Variants in ECSCR observed in about 807,000 individuals in gnomAD.
The protein encoded by ECSCR is endothelial cell-specific chemotaxis regulator.
In ECSCR, 12 loss-of-function variants were observed where a neutral mutation model predicts 16.7. The ratio of observed to expected loss-of-function variants is 0.72; its 90% CI spans 0.46 to 1.17. ECSCR has a LOEUF of 1.17. Among genes scored for constraint, ECSCR ranks in the 50% most tolerant of loss-of-function variants. The probability of loss-of-function intolerance (pLI) is 0.00; values close to 1 mark genes in which losing one functional copy is unlikely to be tolerated. For synonymous variants in ECSCR, 44 were observed against 42.2 expected, an observed-to-expected ratio of 1.04 and a Z score of -0.17; for missense variants, 122 against 116.1, an observed-to-expected ratio of 1.05 and a Z score of -0.23.
chr5:139,457,454 C>T, intron 4 of ECSCR, 91 bp downstream of exon 4: 1 of 776,346 alleles, frequency 1.3e-6, no homozygotes, highest in Non-Finnish European at 2.4e-6. Context: ...TTCCCGCTCG[C>T]CCCAGTCTAT....
At chr5:139,449,037 G>C in intron 9 of ECSCR, 41 bp downstream of exon 9, 3 of 1,532,282 alleles carry the variant, frequency 2.0e-6, no homozygotes, top group Non-Finnish European at 2.6e-6. Flanking sequence ...GGAAGGGAAA[G>C]GTGAATTTGG....
At chr5:139,458,051 G>A in intron 2 of ECSCR, 88 bp downstream of exon 2, 1 of 1,422,790 alleles carries the variant, frequency 7.0e-7, no homozygotes, top group South Asian at 1.2e-5. Flanking sequence ...GCCCCCTGAG[G>A]TTAAGGCTAA....
chr5:139,455,722 A>C lies in ECSCR; in HGVS notation c.263-286T>G, dbSNP rs1359359100. Among the ~76,000 whole-genome samples the C allele has an allele frequency of 4.7e-5, 7 of 150,474 alleles. No homozygotes were observed. The Admixed American group carries it at 4.7e-4, about 10-fold the overall frequency. On this transcript the variant is annotated intron_variant, in intron 5 of 9. Transcript: ENST00000618155. ...CCTGGTGCGGTGGCTCATGCCTGCA[A>C]TCCCAATACTTTGGGAGGCCAAGAT...
At chr5:139,457,253 C>T (rs1271799365) in intron 4 of ECSCR, among the ~76,000 whole-genome samples, 4 of 152,186 alleles carry the variant, frequency 2.6e-5, no homozygotes, top group Non-Finnish European at 4.4e-5. Flanking sequence ...CTACTCTCTA[C>T]CCCACAGCCT....
intron 1 of ECSCR, among the ~76,000 whole-genome samples, chr5:139,462,015 C>A (rs979157619): frequency 6.6e-5 from 10 of 152,300 alleles, no homozygotes; most frequent in Admixed American, 6.5e-4. Context: ...TTCCAAGTAG[C>A]CTCCTCTGGA....
At chr5:139,452,302 GGT>G (rs1302268281) in intron 8 of ECSCR, among the ~76,000 whole-genome samples, 11 of 142,514 alleles carry the variant, frequency 7.7e-5, no homozygotes, top group South Asian at 2.3e-4. Context: ...GTAGGTTTGT[GGT>G]GTGTGTGTGT....
At position 139,452,151 on chromosome 5, in the gene ECSCR, G is replaced by C. The variant is rs1488142758; in HGVS notation, c.512+2451C>G. On this transcript the variant is annotated intron_variant, in intron 8 of 9. Coordinates refer to ENST00000618155, the MANE Select transcript of ECSCR (RefSeq NM_001077693.4). Reference sequence around the variant, plus strand: ...TGGGGTGTGTGTGGTATGTGGATGTGCGTGGGGTGTGTGTGTAGTATATGG... The same window carrying C: ...TGGGGTGTGTGTGGTATGTGGATGTCCGTGGGGTGTGTGTGTAGTATATGG... 2.0e-5 allele frequency among the ~76,000 whole-genome samples: 3 copies of C among 147,880 alleles called. No individual in the cohort carries two copies. In the East Asian group the frequency reaches 6.1e-4, roughly 30 times the overall value.
intron 8 of ECSCR, among the ~76,000 whole-genome samples, chr5:139,451,999 T>C (rs1751062353): frequency 6.7e-6 from 1 of 149,004 alleles, no homozygotes; most frequent in South Asian, 2.1e-4. Context: ...GGGGTGTATG[T>C]GGTGTGTGGG....
chr5:139,456,966 G>C (rs1350654223), intron 4 of ECSCR, among the ~76,000 whole-genome samples: 1 of 152,246 alleles, frequency 6.6e-6, no homozygotes, highest in South Asian at 2.1e-4. Context: ...AGGTCGGGGA[G>C]AGCCCATCCA....
chr5:139,452,257 G>GGGCATGT (rs1751073006), intron 8 of ECSCR, among the ~76,000 whole-genome samples: 2 of 56,900 alleles, frequency 3.5e-5, no homozygotes, highest in Admixed American at 2.0e-4. Flanking sequence ...GGGGTGTGTG[G>GGGCATGT]GTATATGTGT....
chr5:139,452,513 GAGGTA>G (rs2152088612), intron 8 of ECSCR, among the ~76,000 whole-genome samples: 2 of 148,806 alleles, frequency 1.3e-5, no homozygotes, highest in East Asian at 2.1e-4. Context: ...TGTGTGTGGG[GAGGTA>G]TGTATAGTAT....
At chr5:139,454,484 G>A (rs1751113779) in intron 8 of ECSCR, 118 bp downstream of exon 8, 1 of 392,068 alleles carries the variant, frequency 2.6e-6, no homozygotes, top group Admixed American at 4.5e-5. Context: ...TGTGTGTGAT[G>A]TGTGAAGGTG....
At chr5:139,458,500 CAAAAAAAAAAAAAAAAAAAA>C in intron 1 of ECSCR, among the ~76,000 whole-genome samples, 1 of 85,356 alleles carries the variant, frequency 1.2e-5, no homozygotes, top group East Asian at 3.3e-4. Flanking sequence ...CCTATCTCAA[CAAAAAAAAAAAAAAAAAAAA>C]AAAAAAAAAA....
chr5:139,458,540 A>G lies in ECSCR; in HGVS notation c.62-357T>C, dbSNP rs183496088. 3.0e-4 allele frequency among the ~76,000 whole-genome samples: 45 copies of G among 148,066 alleles called. No homozygotes were observed. In the East Asian group the frequency reaches 8.6e-3, roughly 28 times the overall value. On this transcript the variant is annotated intron_variant, in intron 1 of 9. Coordinates refer to ENST00000618155, the MANE Select transcript of ECSCR (RefSeq NM_001077693.4). ...AAAAAAAAAAAAAAAAAAAGAAAGA[A>G]AAAGAAAAAAGAAAAGAAAACACTG...
chr5:139,455,813 C>CT (rs1310548478), intron 5 of ECSCR, among the ~76,000 whole-genome samples: 1 of 60,922 alleles, frequency 1.6e-5, no homozygotes, highest in Non-Finnish European at 3.7e-5. Flanking sequence ...CCCATCTCTC[C>CT]TAAAAAAAAA....
chr5:139,454,164 G>A (rs1383689931), intron 8 of ECSCR, among the ~76,000 whole-genome samples: 1 of 146,942 alleles, frequency 6.8e-6, no homozygotes, highest in Non-Finnish European at 1.5e-5. Context: ...TGTGTGTGGT[G>A]TGTGGGTATG....
chr5:139,454,146 G>GGT (rs1207263373), intron 8 of ECSCR, among the ~76,000 whole-genome samples: 6 of 144,236 alleles, frequency 4.2e-5, no homozygotes, highest in East Asian at 2.1e-4. Context: ...TGATGAGTGG[G>GGT]GTGTGTGTGT....
chr5:139,449,016 A>G, intron 9 of ECSCR, 62 bp downstream of exon 9: 1 of 1,532,468 alleles, frequency 6.5e-7, no homozygotes, highest in Non-Finnish European at 8.8e-7. Flanking sequence ...TCTGGCCTGA[A>G]AGTAGGAGGA....
At chr5:139,451,902 G>A (rs1473226708) in intron 8 of ECSCR, among the ~76,000 whole-genome samples, 2 of 145,896 alleles carry the variant, frequency 1.4e-5, no homozygotes, top group Admixed American at 6.8e-5. Context: ...GTGTGTTTGT[G>A]CTGTGGATGT....
Sources: allele counts gnomAD v4.1 joint callset (sites outside exome capture counted in the v4.1 genomes callset), GRCh38; gene constraint gnomAD v4.1.1; transcripts MANE v1.5; gene names NCBI Gene and HGNC (gene_info 2026-07-23, HGNC 2026-07-21).